Variants in IFRD1 observed in about 807,000 individuals in gnomAD.
IFRD1 encodes the protein interferon related developmental regulator 1.
A neutral mutation model predicts 52.9 loss-of-function variants in IFRD1; 35 were observed. That is an observed-to-expected ratio of 0.66 (90% CI 0.51 to 0.88). IFRD1 has a LOEUF of 0.88. IFRD1 is among the 40% of genes least tolerant of loss of function. IFRD1 has a pLI of 0.00. For synonymous variants in IFRD1, 184 were observed against 188.4 expected (o/e 0.98, Z 0.19); for missense variants, 517 against 550.8 (o/e 0.94, Z 0.61).
At chr7:112,463,917 T>G (rs1251663726) in intron 8 of IFRD1, among the ~76,000 whole-genome samples, 2 of 150,278 alleles carry the variant, frequency 1.3e-5, no homozygotes, top group Non-Finnish European at 3.0e-5. Flanking sequence ...TTTCTCCAAC[T>G]TAATAAATTA....
intron 9 of IFRD1, among the ~76,000 whole-genome samples, chr7:112,470,345 C>T (rs967947428): frequency 1.3e-5 from 2 of 152,168 alleles, no homozygotes; most frequent in Non-Finnish European, 2.9e-5. Context: ...TAACGTTTCA[C>T]TTAGGTCCGT....
intron 1 of IFRD1, among the ~76,000 whole-genome samples, chr7:112,453,751 A>C (rs1481644200): frequency 6.6e-6 from 1 of 152,142 alleles, no homozygotes; most frequent in African/African-American, 2.4e-5. Context: ...TCATTGCTTA[A>C]TCTTTATGCT....
Position 112,472,135 on chromosome 7 carries a change from A to G in IFRD1, c.1042-84A>G, listed in dbSNP as rs1795764483. 4 of 1,353,292 alleles carry G rather than the reference A, an allele frequency of 3.0e-6. No individual in the cohort carries two copies. In the South Asian group the frequency reaches 3.5e-5, roughly 12 times the overall value. The allele number at this position is 1,353,292 out of a possible 1,614,324, so 83.8% of individuals were successfully genotyped here. A position where few individuals can be genotyped will look rare whatever the true frequency, so the allele number is the denominator to read the frequency against. ...ATTGTTCATTTATCTCAGCATGTAT[A>G]TGACTGTTTAGAAATTGTGTTTACA... On this transcript the variant is annotated intron_variant, in intron 9 of 11. Coordinates refer to ENST00000403825, the MANE Select transcript of IFRD1 (RefSeq NM_001550.4).
intron 3 of IFRD1, among the ~76,000 whole-genome samples, chr7:112,456,374 A>G (rs1012011968): frequency 1.3e-5 from 2 of 152,202 alleles, no homozygotes; most frequent in African/African-American, 4.8e-5. Context: ...GTATTTGATT[A>G]TAATAGAAAT....
In IFRD1 at chr7:112,427,951, T is replaced by A. The variant is rs3109104; in HGVS notation, c.-182+4519T>A. Among the ~76,000 whole-genome samples the A allele has an allele frequency of 7.0e-3, 1,063 of 152,230 alleles. 12 individuals carry two copies. Among genetic ancestry groups the A allele is most frequent in the African/African-American group, 0.025 (1,018 of 41,534 alleles). ...CTGAGTGCCTTGATGGAGCACTGTA[T>A]GTGTCATTACAGAGGAGGGCACCTC... On this transcript the variant is annotated intron_variant, in intron 1 of 12. Transcript: ENST00000005558.
At chr7:112,463,608 T>C (rs1795521001) in intron 8 of IFRD1, among the ~76,000 whole-genome samples, 2 of 152,172 alleles carry the variant, frequency 1.3e-5, no homozygotes, top group Admixed American at 1.3e-4. Flanking sequence ...TTTAATTTTA[T>C]TGAGCTAGTT....
At position 112,467,973 on chromosome 7, in the gene IFRD1, T is replaced by C; in HGVS notation, c.907-8T>C. ...AATAAAGGAAACAAAATTGCTTTTC[T>C]TGTCCAGGACTTTTTTTATGAAGAC... On this transcript the variant is annotated splice_polypyrimidine_tract_variant and splice_region_variant and intron_variant, in intron 8 of 11. Transcript: ENST00000403825. The C allele has an allele frequency of 6.2e-7, 1 of 1,613,782 alleles. No individual in the cohort carries two copies. The highest frequency in any genetic ancestry group is 2.2e-5 in the East Asian group (1 of 44,870).
At chr7:112,443,862 C>CAAA (rs34476872) in intron 1 of IFRD1, among the ~76,000 whole-genome samples, 1 of 103,630 alleles carries the variant, frequency 9.6e-6, no homozygotes, top group Admixed American at 9.8e-5. Context: ...AACTCTGTTT[C>CAAA]AAAAAAAAAA....
At chr7:112,467,533 A>G (rs1370416706) in intron 8 of IFRD1, 1 of 193,364 alleles carries the variant, frequency 5.2e-6, no homozygotes, top group Non-Finnish European at 1.1e-5. Flanking sequence ...CTTATTTGAA[A>G]TATGGCAGTA....
chr7:112,466,257 G>T (rs866124220), intron 8 of IFRD1, among the ~76,000 whole-genome samples: 2 of 150,992 alleles, frequency 1.3e-5, no homozygotes, highest in South Asian at 2.1e-4. Flanking sequence ...TCCTTTTTTT[G>T]TGTTTTTAAT....
upstream of IFRD1, among the ~76,000 whole-genome samples, chr7:112,447,772 G>A (rs139615709): frequency 3.3e-5 from 5 of 152,130 alleles, no homozygotes; most frequent in African/African-American, 9.7e-5. Flanking sequence ...ATGAGGAGGT[G>A]GGCTACATCT....
At chr7:112,455,658 G>A (rs1795272943) in intron 1 of IFRD1, 105 bp from the exon 2 acceptor site, 1 of 757,824 alleles carries the variant, frequency 1.3e-6, no homozygotes, top group South Asian at 1.4e-5. Flanking sequence ...TGAGTCTGTG[G>A]TTTTATTACT....
chr7:112,429,041 T>C (rs894213053), intron 1 of IFRD1, among the ~76,000 whole-genome samples: 1 of 152,242 alleles, frequency 6.6e-6, no homozygotes, highest in African/African-American at 2.4e-5. Context: ...AACTTTGACC[T>C]GTCTGTCCAA....
At chr7:112,473,029 C>CGTGTGTGTGTGTGTGT (rs74273594) in intron 11 of IFRD1, among the ~76,000 whole-genome samples, 168 bp downstream of exon 11, 1 of 115,152 alleles carries the variant, frequency 8.7e-6, no homozygotes, top group African/African-American at 3.2e-5. Context: ...GTGTGGGGGG[C>CGTGTGTGTGTGTGTGT]GTGTGTGTGT....
intron 1 of IFRD1, among the ~76,000 whole-genome samples, chr7:112,429,690 T>G (rs1180592620): frequency 6.6e-6 from 1 of 152,228 alleles, no homozygotes; most frequent in South Asian, 2.1e-4. Flanking sequence ...ATGGGACTCA[T>G]GATATCAATT....
intron 1 of IFRD1, among the ~76,000 whole-genome samples, chr7:112,438,393 TGAG>T (rs1187031310): frequency 6.6e-6 from 1 of 152,114 alleles, no homozygotes; most frequent in Non-Finnish European, 1.5e-5. Context: ...TGCATACCTT[TGAG>T]GAGAAAAATA....
intron 1 of IFRD1, 79 bp from the exon 2 acceptor site, chr7:112,455,684 T>G: frequency 1.1e-6 from 1 of 939,586 alleles, no homozygotes; most frequent in Non-Finnish European, 1.7e-6. Flanking sequence ...TCTCTTTAAG[T>G]AAACTTAAAA....
Position 112,461,852 on chromosome 7 carries a change from A to T in IFRD1, c.568-14A>T, listed in dbSNP as rs989867811. 1.9e-5 allele frequency: 22 copies of T among 1,187,016 alleles called. No homozygotes were observed. Among genetic ancestry groups the T allele is most frequent in the East Asian group, 1.2e-4 (4 of 33,028 alleles). 73.5% of individuals were successfully genotyped at this position (1,187,016 alleles called of 1,614,324 possible). ...AAATCATTAATGTCTATATATATAT[A>T]TTTTTTTTTTTAGTGTGCAACTTGC... is the stretch of plus-strand genomic sequence containing the variant. On this transcript the variant is annotated splice_polypyrimidine_tract_variant and intron_variant, in intron 5 of 11. Coordinates refer to ENST00000403825, the MANE Select transcript of IFRD1 (RefSeq NM_001550.4).
chr7:112,426,875 T>G (rs1794440427), intron 1 of IFRD1, among the ~76,000 whole-genome samples: 1 of 152,220 alleles, frequency 6.6e-6, no homozygotes, highest in East Asian at 1.9e-4. Flanking sequence ...ATGCCAATCA[T>G]AAAACCTTTA....
Sources: gnomAD v4.1 joint callset for allele counts (sites outside exome capture counted in the v4.1 genomes callset) on GRCh38, gnomAD v4.1.1 for gene constraint, MANE v1.5 for transcripts, NCBI Gene and HGNC (gene_info 2026-07-23, HGNC 2026-07-21) for gene names.